PCDHA7: variants seen among roughly 807,000 people sequenced by gnomAD.
PCDHA7 encodes protocadherin alpha 7, also known as protocadherin alpha-7.
In PCDHA7, 37 loss-of-function variants were observed where a neutral mutation model predicts 57.2. That is an observed-to-expected ratio of 0.65 (90% confidence interval 0.50 to 0.85). The LOEUF (loss-of-function observed/expected upper bound fraction) is 0.85. Ranked by LOEUF, PCDHA7 falls within the 40% of genes least tolerant of loss-of-function variation. The pLI is 0.00. For synonymous variants in PCDHA7, 553 were observed against 558.8 expected (o/e 0.99, Z 0.15); for missense variants, 1,188 against 1,241.8 (o/e 0.96, Z 0.65).
At position 140,857,343 on chromosome 5, in the gene PCDHA7, C is replaced by T. The variant is rs565903992; in HGVS notation, c.2355+20605C>T. 68 of 1,598,512 alleles carry T rather than the reference C, an allele frequency of 4.3e-5. 8 individuals carry two copies. The South Asian group carries it at 4.3e-4, about 10-fold the overall frequency. On this transcript the variant is annotated intron_variant, in intron 1 of 3. Coordinates refer to ENST00000525929, the MANE Select transcript of PCDHA7 (RefSeq NM_018910.3). ...GTGACCGCGCGGGACGGGGGCTCGC[C>T]TCCGCTGTGGGCCACGGCCAGCGTG...
chr5:140,995,901 A>C (rs2097702550), intron 3 of PCDHA7, among the ~76,000 whole-genome samples: 3 of 152,212 alleles, frequency 2.0e-5, no homozygotes, highest in Non-Finnish European at 1.5e-5. Flanking sequence ...CAATGTATAA[A>C]AGAGGAGAGA....
At chr5:140,839,920 T>G (rs1182223530) in intron 1 of PCDHA7, among the ~76,000 whole-genome samples, 1 of 151,984 alleles carries the variant, frequency 6.6e-6, no homozygotes, top group Non-Finnish European at 1.5e-5. Context: ...AGAAAAACCT[T>G]GAACAAAGAG....
intron 1 of PCDHA7, among the ~76,000 whole-genome samples, chr5:140,896,543 T>C (rs2065615880): frequency 6.6e-6 from 1 of 151,466 alleles, no homozygotes; most frequent in Non-Finnish European, 1.5e-5. Flanking sequence ...TTTCTTTTTT[T>C]TTTTTGTATT....
intron 1 of PCDHA7, chr5:140,859,600 C>T (rs1562546033): frequency 6.1e-6 from 1 of 162,864 alleles, no homozygotes; most frequent in African/African-American, 2.4e-5. Context: ...TTAGCAATTA[C>T]TTTTTTCTTT....
At chr5:140,958,905 A>G (rs1295198062) in intron 1 of PCDHA7, among the ~76,000 whole-genome samples, 1 of 149,390 alleles carries the variant, frequency 6.7e-6, no homozygotes, top group Non-Finnish European at 1.5e-5. Flanking sequence ...AGATACAGAA[A>G]AGTCTGCCTG....
At chr5:140,956,217 T>A (rs1554222303) in intron 1 of PCDHA7, among the ~76,000 whole-genome samples, 1 of 152,208 alleles carries the variant, frequency 6.6e-6, no homozygotes, top group Non-Finnish European at 1.5e-5. Context: ...GGCATCCTTG[T>A]CTTGTGCTGG....
chr5:140,959,408 A>C (rs1554224058), intron 1 of PCDHA7, among the ~76,000 whole-genome samples: 2 of 152,124 alleles, frequency 1.3e-5, no homozygotes, highest in Non-Finnish European at 1.5e-5. Context: ...TAAAGTGTTG[A>C]TTGATCTGAG....
chr5:140,865,396 A>G (rs1280770279), intron 1 of PCDHA7: 1 of 152,234 alleles, frequency 6.6e-6, no homozygotes, highest in Non-Finnish European at 1.5e-5. Context: ...GTTAATATAA[A>G]TGCTGAAAAG....
chr5:140,863,279 T>C, intron 1 of PCDHA7: 1 of 1,461,288 alleles, frequency 6.8e-7, no homozygotes, highest in East Asian at 3.4e-5. Context: ...CTGGTGGATG[T>C]CAACGTGTAC....
At position 140,842,876 on chromosome 5, in the gene PCDHA7, G is replaced by T. The variant is rs2150347081; in HGVS notation, c.2355+6138G>T. ...GCACACGGAGAGCGGCAAGGTGTAC[G>T]CGCTGCAGCCGCTGGACCACGAGGA... On this transcript the variant is annotated intron_variant, in intron 1 of 3. Transcript: ENST00000525929. 5.9e-3 allele frequency: 9,472 copies of T among 1,593,878 alleles called. 1,015 individuals are homozygous for T. The African/African-American group carries it at 0.11, about 18-fold the overall frequency.
intron 1 of PCDHA7, among the ~76,000 whole-genome samples, chr5:140,892,991 A>G (rs1477087965): frequency 1.3e-5 from 2 of 152,196 alleles, no homozygotes; most frequent in African/African-American, 2.4e-5. Context: ...TATAAGTGAG[A>G]ACATGTATTT....
At chr5:140,899,382 TGA>T (rs2067295037) in intron 1 of PCDHA7, among the ~76,000 whole-genome samples, 1 of 152,198 alleles carries the variant, frequency 6.6e-6, no homozygotes, top group Non-Finnish European at 1.5e-5. Context: ...CCTAATTTAT[TGA>T]GAGTTTTTAG....
chr5:140,969,863 C>A (rs1305470999), intron 1 of PCDHA7, among the ~76,000 whole-genome samples: 1 of 152,156 alleles, frequency 6.6e-6, no homozygotes, highest in Non-Finnish European at 1.5e-5. Context: ...CTGGTACTTG[C>A]ACTGAACCTA....
intron 1 of PCDHA7, chr5:140,843,938 G>C: frequency 1.7e-6 from 1 of 572,224 alleles, no homozygotes; most frequent in East Asian, 2.9e-5. Flanking sequence ...GTTATGGTTG[G>C]ATGATATCCA....
intron 1 of PCDHA7, chr5:140,967,882 C>T (rs1323816592): frequency 1.2e-6 from 2 of 1,614,108 alleles, no homozygotes. Context: ...ACCTGTATAG[C>T]CCAGTGCCTG....
At chr5:141,007,712 A>G (rs2098342161) in intron 3 of PCDHA7, among the ~76,000 whole-genome samples, 1 of 152,170 alleles carries the variant, frequency 6.6e-6, no homozygotes, top group Non-Finnish European at 1.5e-5. Context: ...GCCTCCCACC[A>G]CCAGGGAGAA....
intron 1 of PCDHA7, among the ~76,000 whole-genome samples, chr5:140,878,522 C>A (rs1237264420): frequency 6.6e-6 from 1 of 152,072 alleles, no homozygotes; most frequent in Non-Finnish European, 1.5e-5. Flanking sequence ...AGTTGGTAAC[C>A]AACTGTGGCT....
intron 1 of PCDHA7, among the ~76,000 whole-genome samples, chr5:140,956,692 C>T (rs246012): frequency 0.56 from 85,656 of 151,960 alleles, 24,760 homozygotes; most frequent in African/African-American, 0.69. Context: ...CCTCCTTTTC[C>T]ATTGTTTGGA....
At chr5:140,843,342 A>G (rs2150357887) in intron 1 of PCDHA7, 1 of 1,596,056 alleles carries the variant, frequency 6.3e-7, no homozygotes, top group South Asian at 1.1e-5. Flanking sequence ...GAGAGCGGCC[A>G]GGCTCCAAAA....
Sources: gnomAD v4.1 joint callset for allele counts (sites outside exome capture counted in the v4.1 genomes callset) on GRCh38, gnomAD v4.1.1 for gene constraint, MANE v1.5 for transcripts, NCBI Gene and HGNC (gene_info 2026-07-23, HGNC 2026-07-21) for gene names.